CEP112: variants seen among roughly 807,000 people sequenced by gnomAD.
CEP112 encodes the protein centrosomal protein 112.
In CEP112, 127 loss-of-function variants were observed where a neutral mutation model predicts 153.0. The observed-to-expected ratio is 0.83, with a 90% CI of 0.72 to 0.96. The LOEUF is 0.96. Ranked by LOEUF, CEP112 falls within the 40% of genes least tolerant of loss-of-function variation. The pLI is 0.00. For missense variants in CEP112, 1,089 were observed against 1,101.2 expected, an observed-to-expected ratio of 0.99 and a Z score of 0.16; for synonymous variants, 358 against 374.4, an observed-to-expected ratio of 0.96 and a Z score of 0.51.
intron 8 of CEP112, among the ~76,000 whole-genome samples, chr17:66,088,617 G>A (rs2146226909): frequency 6.6e-6 from 1 of 152,076 alleles, no homozygotes; most frequent in East Asian, 1.9e-4. Context: ...CAACCTCCCA[G>A]TCAACACCTC....
At chr17:65,866,501 G>A (rs2058491126) in intron 20 of CEP112, among the ~76,000 whole-genome samples, 1 of 152,204 alleles carries the variant, frequency 6.6e-6, no homozygotes, top group African/African-American at 2.4e-5. Flanking sequence ...AGCCAGGGAG[G>A]GACTGAAGCC....
intron 21 of CEP112, among the ~76,000 whole-genome samples, chr17:65,800,068 C>T (rs2055172814): frequency 6.6e-6 from 1 of 152,146 alleles, no homozygotes; most frequent in African/African-American, 2.4e-5. Context: ...TTGATAGACT[C>T]TTTTTCAATA....
intron 21 of CEP112, among the ~76,000 whole-genome samples, chr17:65,831,252 C>G (rs1361684855): frequency 6.6e-6 from 1 of 152,164 alleles, no homozygotes; most frequent in Admixed American, 6.6e-5. Flanking sequence ...CAGAATAATA[C>G]TTTCAAAGAA....
chr17:66,075,294 T>G (rs2067449550), intron 8 of CEP112, among the ~76,000 whole-genome samples: 1 of 152,152 alleles, frequency 6.6e-6, no homozygotes, highest in Admixed American at 6.5e-5. Context: ...GTTTTAAAGT[T>G]ATTAGATTTA....
intron 21 of CEP112, among the ~76,000 whole-genome samples, chr17:65,811,253 G>A (rs1445274089): frequency 6.6e-6 from 1 of 152,166 alleles, no homozygotes; most frequent in East Asian, 1.9e-4. Context: ...AGGAAGCTGA[G>A]AGTAGTTCAA....
At chr17:65,878,881 T>C (rs1250972569) in intron 20 of CEP112, among the ~76,000 whole-genome samples, 1 of 151,350 alleles carries the variant, frequency 6.6e-6, no homozygotes. Context: ...CCACAGCTTC[T>C]AGTATGGCTT....
At chr17:65,979,203 C>T (rs2063141052) in intron 17 of CEP112, among the ~76,000 whole-genome samples, 1 of 148,676 alleles carries the variant, frequency 6.7e-6, no homozygotes, top group South Asian at 2.1e-4. Flanking sequence ...AAATTATATT[C>T]AGAGGTTTTA....
At chr17:66,053,681 C>T (rs1053807849) in intron 12 of CEP112, 55 bp downstream of exon 12, 25 of 1,550,530 alleles carry the variant, frequency 1.6e-5, no homozygotes, top group Non-Finnish European at 2.1e-5. Context: ...AACATGAGGA[C>T]ATGGAAATTG....
intron 23 of CEP112, among the ~76,000 whole-genome samples, chr17:65,721,977 G>A (rs1378447506): frequency 6.6e-6 from 1 of 152,164 alleles, no homozygotes; most frequent in Non-Finnish European, 1.5e-5. Context: ...TGAATTGCAA[G>A]GAACCACAGT....
intron 12 of CEP112, among the ~76,000 whole-genome samples, chr17:66,044,950 G>T (rs768936824): frequency 2.0e-5 from 3 of 151,044 alleles, no homozygotes; most frequent in Non-Finnish European, 4.4e-5. Context: ...TCAAGGAAAA[G>T]AATAACTCAA....
intron 17 of CEP112, among the ~76,000 whole-genome samples, chr17:65,971,629 C>T (rs1037959887): frequency 6.6e-6 from 1 of 151,104 alleles, no homozygotes; most frequent in African/African-American, 2.4e-5. Flanking sequence ...ATATCCCATG[C>T]ATATTGCGTT....
intron 24 of CEP112, among the ~76,000 whole-genome samples, chr17:65,664,994 T>C (rs1247450043): frequency 6.6e-6 from 1 of 152,128 alleles, no homozygotes; most frequent in Non-Finnish European, 1.5e-5. Context: ...GCAATATTTC[T>C]CCTATGTCTC....
At chr17:65,793,089 C>T (rs1312782770) in intron 21 of CEP112, among the ~76,000 whole-genome samples, 1 of 152,024 alleles carries the variant, frequency 6.6e-6, no homozygotes, top group Non-Finnish European at 1.5e-5. Context: ...AACATATAGA[C>T]CAATAACGGA....
At chr17:65,968,493 T>C (rs1351688800) in intron 17 of CEP112, among the ~76,000 whole-genome samples, 2 of 152,216 alleles carry the variant, frequency 1.3e-5, no homozygotes, top group Non-Finnish European at 2.9e-5. Flanking sequence ...CTAAGTGATA[T>C]GAAATGAAAA....
At chr17:65,849,579 A>G (rs1025193335) in intron 21 of CEP112, among the ~76,000 whole-genome samples, 4 of 152,218 alleles carry the variant, frequency 2.6e-5, no homozygotes, top group African/African-American at 9.6e-5. Flanking sequence ...AAAAAGAGGC[A>G]TTTGGAATGT....
intron 12 of CEP112, among the ~76,000 whole-genome samples, chr17:66,034,971 TGCA>T (rs1478608730): frequency 1.5e-4 from 1 of 6,698 alleles, no homozygotes. Flanking sequence ...GCTAAGTTTT[TGCA>T]TGTATATATA....
intron 23 of CEP112, among the ~76,000 whole-genome samples, chr17:65,734,728 T>G (rs1343518878): frequency 6.6e-6 from 1 of 152,184 alleles, no homozygotes; most frequent in African/African-American, 2.4e-5. Context: ...GAAGAAAATC[T>G]AGTCTCACAC....
chr17:65,698,677 C>T (rs943084956), intron 23 of CEP112, among the ~76,000 whole-genome samples: 5 of 152,056 alleles, frequency 3.3e-5, no homozygotes, highest in Non-Finnish European at 7.4e-5. Flanking sequence ...TCCCCCGCTT[C>T]GTGGCTCTAA....
At chr17:65,883,449 C>T (rs1309684579) in intron 20 of CEP112, among the ~76,000 whole-genome samples, 1 of 152,142 alleles carries the variant, frequency 6.6e-6, no homozygotes, top group African/African-American at 2.4e-5. Flanking sequence ...TAACCTCCGC[C>T]TCCTGGGTTC....
Sources: gnomAD v4.1 joint callset for allele counts (sites outside exome capture counted in the v4.1 genomes callset) on GRCh38, gnomAD v4.1.1 for gene constraint, MANE v1.5 for transcripts, NCBI Gene and HGNC (gene_info 2026-07-23, HGNC 2026-07-21) for gene names.